The following CCT3 variants were observed in gnomAD, a reference collection of about 807,000 sequenced individuals.
CCT3 encodes the protein T-complex protein 1 subunit gamma.
In CCT3, 10 loss-of-function variants were observed where a neutral mutation model predicts 65.3. The observed-to-expected ratio is 0.15, with a 90% CI of 0.09 to 0.26. The LOEUF is 0.26. CCT3 is among the 10% of genes least tolerant of loss of function. CCT3 has a pLI of 1.00. For synonymous variants in CCT3, 225 were observed against 242.3 expected, an observed-to-expected ratio of 0.93 and a Z score of 0.66; for missense variants, 626 against 708.7, an observed-to-expected ratio of 0.88 and a Z score of 1.33.
At chr1:156,318,103 A>G (rs1418826539) in intron 8 of CCT3, among the ~76,000 whole-genome samples, 1 of 152,114 alleles carries the variant, frequency 6.6e-6, no homozygotes, top group Non-Finnish European at 1.5e-5. Context: ...CTGACCACCC[A>G]GTCCAATCCT....
chr1:156,334,961 G>A (rs1558274990), intron 2 of CCT3, 43 bp from the exon 3 acceptor site: 1 of 1,568,416 alleles, frequency 6.4e-7, no homozygotes, highest in Non-Finnish European at 8.8e-7. Flanking sequence ...CAAATCAGAG[G>A]ACAGTGTGAG....
chr1:156,332,527 C>G (rs912309123), intron 5 of CCT3: 1 of 152,186 alleles, frequency 6.6e-6, no homozygotes, highest in African/African-American at 2.4e-5. Flanking sequence ...ACATTCATGA[C>G]ACTTTCATAG....
At chr1:156,330,506 A>G (rs1665059143) in intron 5 of CCT3, among the ~76,000 whole-genome samples, 1 of 152,100 alleles carries the variant, frequency 6.6e-6, no homozygotes, top group South Asian at 2.1e-4. Flanking sequence ...TCTACTAAAA[A>G]TACAAAAATT....
Position 156,310,970 on chromosome 1 carries a change from G to A in CCT3, c.1381C>T (p.Arg461Cys), listed in dbSNP as rs761438353. The A allele has an allele frequency of 1.2e-5, 20 of 1,613,996 alleles. No individual in the cohort carries two copies. The highest frequency in any genetic ancestry group is 4.0e-5 in the African/African-American group (3 of 74,924). ...CTCACCCGAAGGGAGGTAAGTAGAC[G>A]GATGGTGCTGGCCCCACAGTTCTGG... ...LIQNCGASTI[R>C]LLTSLRAKHT... Residue 461 changes from arginine to cysteine, a missense_variant, in exon 12 of 14, where the codon CGT becomes TGT. By Grantham distance (180) the Arg-to-Cys change is radical. Transcript: ENST00000295688.
At chr1:156,313,902 A>G (rs913821768) in intron 10 of CCT3, among the ~76,000 whole-genome samples, 1 of 152,154 alleles carries the variant, frequency 6.6e-6, no homozygotes, top group Admixed American at 6.5e-5. Context: ...ATCCTGGCCA[A>G]CATGGTGAAA....
intron 4 of CCT3, 70 bp downstream of exon 4, chr1:156,334,643 A>G: frequency 6.9e-7 from 1 of 1,456,502 alleles, no homozygotes; most frequent in South Asian, 1.2e-5. Context: ...CAGAGCCTGT[A>G]TCTTAACAGG....
intron 2 of CCT3, chr1:156,335,308 T>A (rs1570938725): frequency 5.1e-6 from 1 of 194,808 alleles, no homozygotes; most frequent in Non-Finnish European, 1.1e-5. Context: ...GATACAGAAA[T>A]GACTTTTCAC....
chr1:156,313,350 G>GGAAAAAAAA (rs570894422), intron 10 of CCT3, among the ~76,000 whole-genome samples: 10,857 of 101,638 alleles, frequency 0.11, 402 homozygotes, highest in Non-Finnish European at 0.16. Flanking sequence ...AAAAAAAAAA[G>GGAAAAAAAA]AAAAAAAAAA....
In CCT3 at chr1:156,317,456, T is replaced by C. The variant is rs1271359724; in HGVS notation, c.851A>G (p.Gln284Arg). Residue 284 changes from glutamine (Q) to arginine (R), a missense_variant, in exon 9 of 14, where the codon CAA becomes CGA. Gln to Arg is a conservative substitution (Grantham distance 43). Transcript: ENST00000295688. ...AGTGATGACCACATCGGGCTTCAGT[T>C]GGATAATGTCCTCACAGAGCTGCTG... ...YIQQLCEDII[Q>R]LKPDVVITEK... 6.2e-7 allele frequency: 1 copy of C among 1,613,816 alleles called. No individual in the cohort carries two copies. Among genetic ancestry groups the C allele is most frequent in the Non-Finnish European group, 8.5e-7 (1 of 1,179,850 alleles).
intron 7 of CCT3, among the ~76,000 whole-genome samples, chr1:156,319,802 A>G (rs888731411): frequency 5.9e-5 from 9 of 152,192 alleles, no homozygotes; most frequent in Non-Finnish European, 1.0e-4. Flanking sequence ...TACTGGCCAC[A>G]AGCTATACTA....
intron 5 of CCT3, among the ~76,000 whole-genome samples, chr1:156,329,131 T>G (rs1038881679): frequency 6.6e-6 from 1 of 152,164 alleles, no homozygotes; most frequent in Non-Finnish European, 1.5e-5. Context: ...ATTATAACTG[T>G]ATTCAGTACA....
chr1:156,319,454 G>A (rs1450571305), intron 7 of CCT3, among the ~76,000 whole-genome samples: 1 of 152,092 alleles, frequency 6.6e-6, no homozygotes, highest in East Asian at 1.9e-4. Flanking sequence ...CTTTGATGAA[G>A]CTCAAAAATA....
chr1:156,333,613 T>C lies in CCT3; in HGVS notation c.238A>G (p.Met80Val), dbSNP rs770540466. 6.2e-7 allele frequency: 1 copy of C among 1,614,088 alleles called. No homozygotes were observed. The highest frequency in any genetic ancestry group is 8.5e-7 in the Non-Finnish European group (1 of 1,179,928). Reference protein sequence around the residue: ...IQVQHPAAKSMIEISRTQDEE... With the variant: ...IQVQHPAAKSVIEISRTQDEE... ...TCCTGGGTCCGGCTAATTTCGATCA[T>C]GGACTTGGCCGCTGGATGCTGGACT... The change falls in exon 5 of 14, where the codon ATG (methionine) becomes GTG (valine). Residue 80 changes from methionine (M) to valine (V), a missense_variant. By Grantham distance (21) the Met-to-Val change is conservative. Transcript: ENST00000295688.
At chr1:156,324,946 C>A in intron 6 of CCT3, 26 bp downstream of exon 6, 1 of 1,449,308 alleles carries the variant, frequency 6.9e-7, no homozygotes, top group Non-Finnish European at 9.7e-7. Context: ...ATATTTGATA[C>A]TACCTATTTC....
chr1:156,310,522 A>T, intron 13 of CCT3, 36 bp downstream of exon 13: 1 of 1,468,414 alleles, frequency 6.8e-7, no homozygotes, highest in Non-Finnish European at 9.1e-7. Flanking sequence ...AAATAAATTA[A>T]TTAAAACAGC....
Position 156,312,885 on chromosome 1 carries a change from A to T in CCT3, c.975-664T>A, listed in dbSNP as rs764134901. Among the ~76,000 whole-genome samples, 3 of 152,232 alleles carry T rather than the reference A, an allele frequency of 2.0e-5. 1 individual carries two copies. Among genetic ancestry groups the T allele is most frequent in the Non-Finnish European group, 2.9e-5 (2 of 68,040 alleles). ...AAATGTGAAATCATTATGATACCTC[A>T]TCAGAAAAGGAAGGTGAAAGATCTA... On this transcript the variant is annotated intron_variant, in intron 10 of 13. Coordinates refer to ENST00000295688, the MANE Select transcript of CCT3 (RefSeq NM_005998.5).
intron 8 of CCT3, among the ~76,000 whole-genome samples, chr1:156,317,839 G>C (rs1664372927): frequency 1.3e-5 from 2 of 151,820 alleles, no homozygotes; most frequent in Admixed American, 6.6e-5. Context: ...CTCCCGAGTA[G>C]CTGGGACTAC....
At chr1:156,332,101 C>CTGCA (rs1244113132) in intron 5 of CCT3, among the ~76,000 whole-genome samples, 1 of 152,040 alleles carries the variant, frequency 6.6e-6, no homozygotes, top group African/African-American at 2.4e-5. Flanking sequence ...ACACGGCTCA[C>CTGCA]TGCAGCCTCA....
intron 1 of CCT3, 84 bp from the exon 2 acceptor site, chr1:156,335,972 A>G: frequency 1.8e-6 from 2 of 1,102,792 alleles, no homozygotes; most frequent in Non-Finnish European, 1.4e-6. Flanking sequence ...TTGAAAAATA[A>G]GAATGCAGGT....
Sources: gnomAD v4.1 joint callset for allele counts (sites outside exome capture counted in the v4.1 genomes callset) on GRCh38, gnomAD v4.1.1 for gene constraint, MANE v1.5 for transcripts, NCBI Gene and HGNC (gene_info 2026-07-23, HGNC 2026-07-21) for gene names.